Variants in SEL1L3 observed in about 807,000 individuals in gnomAD.
SEL1L3 encodes SEL1L family member 3.
A neutral mutation model predicts 142.8 loss-of-function variants in SEL1L3; 76 were observed. That is an observed-to-expected ratio of 0.53 (90% CI 0.44 to 0.64). The LOEUF (loss-of-function observed/expected upper bound fraction) is 0.64, where lower values mean the gene tolerates loss of function less well. Ranked by LOEUF, SEL1L3 falls within the 30% of genes least tolerant of loss-of-function variation. The probability of loss-of-function intolerance (pLI) is 0.00; values close to 1 mark genes in which losing one functional copy is unlikely to be tolerated. For synonymous variants in SEL1L3, 504 were observed against 519.6 expected (o/e 0.97, Z 0.41); for missense variants, 1,262 against 1,381.7 (o/e 0.91, Z 1.37).
rs376914511 is a variant in SEL1L3 at position 25,827,426 on chromosome 4, C to T, written c.1157+2672G>A. On this transcript the variant is annotated intron_variant, in intron 6 of 23. Transcript: ENST00000399878. ...TGTGAAGACTGAAGTTATGCTGCCA[C>T]GAGCCAAGGAGCTACCAGAAGCCAG... 3.9e-5 allele frequency among the ~76,000 whole-genome samples: 6 copies of T among 152,294 alleles called. No individual in the cohort carries two copies. The East Asian group carries it at 5.8e-4, about 15-fold the overall frequency.
chr4:25,783,942 TATA>T (rs1711594331), intron 14 of SEL1L3, among the ~76,000 whole-genome samples: 1 of 152,108 alleles, frequency 6.6e-6, no homozygotes, highest in African/African-American at 2.4e-5. Context: ...AGCTCCTGAT[TATA>T]ATTTTAGCCT....
At position 25,757,749 on chromosome 4, in the gene SEL1L3, G is replaced by C. The variant is rs764253254; in HGVS notation, c.3125C>G (p.Ser1042Cys). The change falls in exon 22 of 24, where the codon TCC becomes TGC. Residue 1042 changes from serine to cysteine, a missense_variant. Transcript: ENST00000399878. ...CAAGTGCAGGTAAAGCCAGGCCAAG[G>C]AGCAGGGGCTGAAGGACTCCTCGTT... is the stretch of plus-strand genomic sequence containing the variant. ...HSNEESFSPC[S>C]LAWLYLHLRL... is the part of the protein sequence containing the mutation. 26 of 1,596,614 alleles carry C rather than the reference G, an allele frequency of 1.6e-5. No individual in the cohort carries two copies. Among genetic ancestry groups the C allele is most frequent in the Non-Finnish European group, 2.2e-5 (26 of 1,172,042 alleles).
intron 14 of SEL1L3, among the ~76,000 whole-genome samples, chr4:25,783,191 A>G (rs1418353820): frequency 6.6e-6 from 1 of 152,150 alleles, no homozygotes; most frequent in Non-Finnish European, 1.5e-5. Context: ...TCTGGAACCA[A>G]TGATTTCCAT....
chr4:25,814,757 AT>A (rs1196726359), intron 9 of SEL1L3, among the ~76,000 whole-genome samples: 1 of 151,848 alleles, frequency 6.6e-6, no homozygotes, highest in Non-Finnish European at 1.5e-5. Context: ...TGTTGGAAAT[AT>A]AAACTCATTT....
chr4:25,817,737 GT>G (rs903644897), intron 9 of SEL1L3, among the ~76,000 whole-genome samples: 2 of 152,096 alleles, frequency 1.3e-5, no homozygotes, highest in African/African-American at 4.8e-5. Context: ...CCAGATCTTT[GT>G]TTTTTTCTTC....
At chr4:25,718,913 A>T in the SEL1L3 span, 1 of 152,286 alleles carries the variant, frequency 6.6e-6, no homozygotes, top group East Asian at 1.9e-4. Flanking sequence ...GTGGTGGCTC[A>T]CGCCTGTAAT....
chr4:25,723,704 T>C, the SEL1L3 span, among the ~76,000 whole-genome samples: 1 of 152,170 alleles, frequency 6.6e-6, no homozygotes, highest in Non-Finnish European at 1.5e-5. Context: ...CTTAGTGTTA[T>C]GGCATGCCCC....
intron 13 of SEL1L3, among the ~76,000 whole-genome samples, chr4:25,787,560 T>C (rs1436331803): frequency 6.6e-6 from 1 of 152,218 alleles, no homozygotes; most frequent in African/African-American, 2.4e-5. Flanking sequence ...CCTTAGGTGA[T>C]CCACCTGCCT....
At chr4:25,790,298 T>C (rs1233445407) in intron 12 of SEL1L3, among the ~76,000 whole-genome samples, 157 bp downstream of exon 12, 1 of 152,178 alleles carries the variant, frequency 6.6e-6, no homozygotes, top group Non-Finnish European at 1.5e-5. Context: ...GTGACAACTA[T>C]GGCCTGCCCC....
chr4:25,838,539 C>A (rs1183712629), intron 2 of SEL1L3, among the ~76,000 whole-genome samples: 1 of 152,192 alleles, frequency 6.6e-6, no homozygotes, highest in Non-Finnish European at 1.5e-5. Context: ...CCAGAGAGAA[C>A]CTCGGCTGAT....
intron 1 of SEL1L3, among the ~76,000 whole-genome samples, chr4:25,857,460 T>C (rs1717343262): frequency 6.6e-6 from 1 of 152,226 alleles, no homozygotes; most frequent in Admixed American, 6.5e-5. Flanking sequence ...TACTGAGCAC[T>C]GGGATGGGTG....
chr4:25,768,884 CACACACATAT>C (rs1718955117), intron 17 of SEL1L3, among the ~76,000 whole-genome samples: 1 of 151,460 alleles, frequency 6.6e-6, no homozygotes, highest in African/African-American at 2.4e-5. Flanking sequence ...CACACACATG[CACACACATAT>C]ACATGCAGAT....
chr4:25,855,297 A>C (rs765985891), intron 1 of SEL1L3, among the ~76,000 whole-genome samples: 1 of 152,248 alleles, frequency 6.6e-6, no homozygotes, highest in Non-Finnish European at 1.5e-5. Flanking sequence ...TCCAGCCTTC[A>C]TAGGTATTTT....
intron 20 of SEL1L3, among the ~76,000 whole-genome samples, chr4:25,760,171 T>C (rs1219291361): frequency 6.6e-6 from 1 of 152,148 alleles, no homozygotes; most frequent in Non-Finnish European, 1.5e-5. Context: ...GAATATGTGG[T>C]GTTTGGTTTT....
rs185797398 is a variant in SEL1L3 at position 25,806,012 on chromosome 4, T to C, written c.1565-1260A>G. On this transcript the variant is annotated intron_variant, in intron 9 of 23. Coordinates refer to ENST00000399878, the MANE Select transcript of SEL1L3 (RefSeq NM_015187.5). ...CTTCATTCCGTGAAAAATTAAAATG[T>C]TGTGGGTTTTTTTTGTTTTGTTTTG... 1.3e-3 allele frequency among the ~76,000 whole-genome samples: 194 copies of C among 151,798 alleles called. 1 individual carries two copies. Among genetic ancestry groups the C allele is most frequent in the African/African-American group, 4.4e-3 (183 of 41,426 alleles).
chr4:25,829,227 C>T (rs1715283330), intron 6 of SEL1L3, among the ~76,000 whole-genome samples: 1 of 152,182 alleles, frequency 6.6e-6, no homozygotes, highest in Non-Finnish European at 1.5e-5. Flanking sequence ...CCTGCCTTGG[C>T]CTCCCAAAGC....
At chr4:25,802,147 G>T in intron 11 of SEL1L3, 136 bp downstream of exon 11, 1 of 724,640 alleles carries the variant, frequency 1.4e-6, no homozygotes, top group Non-Finnish European at 2.3e-6. Flanking sequence ...AATGGAGAGC[G>T]CAAGACAGCT....
At chr4:25,803,687 T>C (rs1370467215) in intron 10 of SEL1L3, among the ~76,000 whole-genome samples, 2 of 152,060 alleles carry the variant, frequency 1.3e-5, no homozygotes, top group African/African-American at 4.8e-5. Context: ...AGGGCCTCAA[T>C]AGGACAAAAA....
rs1044724415 is a variant in SEL1L3, at chr4:25,787,372, G to A, written c.2217+852C>T. On this transcript the variant is annotated intron_variant, in intron 13 of 23. Transcript: ENST00000399878. ...GTGTGGCTCTCTCACTCAGGCTGGA[G>A]TGCAGTGGCACGATCTTGGCTCACT... Among the ~76,000 whole-genome samples the A allele has an allele frequency of 3.9e-5, 6 of 152,152 alleles. No individual in the cohort carries two copies. The South Asian group carries it at 1.2e-3, about 32-fold the overall frequency.
Sources: gnomAD v4.1 joint callset for allele counts (sites outside exome capture counted in the v4.1 genomes callset) on GRCh38, gnomAD v4.1.1 for gene constraint, MANE v1.5 for transcripts, NCBI Gene and HGNC (gene_info 2026-07-23, HGNC 2026-07-21) for gene names.